The following ABCC9 variants were observed in gnomAD, a reference collection of about 807,000 sequenced individuals.
The protein encoded by ABCC9 is ATP binding cassette subfamily C member 9, also known as ATP-binding cassette sub-family C member 9.
A neutral mutation model predicts 188.3 loss-of-function variants in ABCC9; 95 were observed. That is an observed-to-expected ratio of 0.50 (90% CI 0.43 to 0.60). ABCC9 has a LOEUF of 0.60. ABCC9 is among the 20% of genes least tolerant of loss of function. The probability of loss-of-function intolerance (pLI) is 0.00; values close to 1 mark genes in which losing one functional copy is unlikely to be tolerated. For synonymous variants in ABCC9, 659 were observed against 652.7 expected (o/e 1.01, Z -0.15); for missense variants, 1,102 against 1,876.3 (o/e 0.59, Z 7.62).
Position 21,886,043 on chromosome 12 carries a change from G to A in ABCC9, c.1911+1783C>T, listed in dbSNP as rs546144727. Reference sequence around the variant, plus strand: ...CTAACATTAACTTATGACTCACGGTGGAATAATGCTTTTCTACTTTGTGAA... The same window carrying A: ...CTAACATTAACTTATGACTCACGGTAGAATAATGCTTTTCTACTTTGTGAA... On this transcript the variant is annotated intron_variant, in intron 15 of 39. Transcript: ENST00000261200. 3.9e-5 allele frequency among the ~76,000 whole-genome samples: 6 copies of A among 151,946 alleles called. No homozygotes were observed. The South Asian group carries it at 1.3e-3, about 32-fold the overall frequency.
At chr12:21,843,792 C>G (rs927123444) in intron 28 of ABCC9, among the ~76,000 whole-genome samples, 1 of 152,128 alleles carries the variant, frequency 6.6e-6, no homozygotes, top group African/African-American at 2.4e-5. Flanking sequence ...ATCAAAACTT[C>G]TCATCATACT....
chr12:21,862,756 C>T (rs192728743), intron 20 of ABCC9, among the ~76,000 whole-genome samples, 197 bp downstream of exon 20: 1 of 152,148 alleles, frequency 6.6e-6, no homozygotes, highest in Non-Finnish European at 1.5e-5. Flanking sequence ...CAATAAGGGT[C>T]CAAGATGGGC....
chr12:21,860,183 A>G (rs1290733498), intron 21 of ABCC9, among the ~76,000 whole-genome samples: 1 of 152,194 alleles, frequency 6.6e-6, no homozygotes, highest in Non-Finnish European at 1.5e-5. Flanking sequence ...TCTTCATAGC[A>G]ATTCCAAGAT....
At chr12:21,826,573 C>G (rs73070690) in intron 31 of ABCC9, among the ~76,000 whole-genome samples, 2,939 of 152,266 alleles carry the variant, frequency 0.019, 55 homozygotes, top group Non-Finnish European at 0.025. Context: ...TTTAAATACA[C>G]CTGGTTCCAA....
intron 24 of ABCC9, among the ~76,000 whole-genome samples, chr12:21,850,153 C>G (rs893072753): frequency 1.3e-5 from 2 of 150,866 alleles, no homozygotes; most frequent in Non-Finnish European, 1.5e-5. Context: ...GTTGAGCACA[C>G]TAGATGCTAA....
intron 25 of ABCC9, among the ~76,000 whole-genome samples, chr12:21,847,202 T>C (rs566213118): frequency 1.3e-5 from 2 of 152,210 alleles, no homozygotes; most frequent in South Asian, 4.2e-4. Context: ...ACAGTCAGCA[T>C]CCCCACTGAA....
intron 4 of ABCC9, 118 bp downstream of exon 4, chr12:21,933,664 A>T (rs1346177238): frequency 1.7e-5 from 20 of 1,189,744 alleles, no homozygotes; most frequent in Non-Finnish European, 2.5e-5. Context: ...AGCTACATGG[A>T]TCAGAGAGCA....
intron 4 of ABCC9, among the ~76,000 whole-genome samples, chr12:21,932,383 A>T (rs2138050545): frequency 6.6e-6 from 1 of 152,262 alleles, no homozygotes; most frequent in Non-Finnish European, 1.5e-5. Context: ...CAAAGATGCC[A>T]AAAACAATTG....
At position 21,941,045 on chromosome 12, in the gene ABCC9, CT is replaced by C. The variant is rs1453887063; in HGVS notation, c.-137+154del. ...TCGAGCCGGGCCTCGTCCCTTAATT[CT>C]AGAAATAGCGATCGCGAAAGCTAAG... On this transcript the variant is annotated intron_variant, in intron 1 of 39. Transcript: ENST00000261200. This position sits in a 1 kb window ranked among gnomAD's most constrained non-coding sequence, Gnocchi z 5.4. Among the ~76,000 whole-genome samples, 2 of 152,182 alleles carry C rather than the reference CT, an allele frequency of 1.3e-5. No individual in the cohort carries two copies. Among genetic ancestry groups the C allele is most frequent in the African/African-American group, 2.4e-5 (1 of 41,434 alleles).
intron 36 of ABCC9, among the ~76,000 whole-genome samples, chr12:21,810,837 C>A (rs1312972161): frequency 6.6e-6 from 1 of 152,092 alleles, no homozygotes; most frequent in Non-Finnish European, 1.5e-5. Context: ...AGTAGTTTTA[C>A]AACTAAATAC....
chr12:21,918,000 A>G (rs2137937053), intron 5 of ABCC9, among the ~76,000 whole-genome samples: 1 of 147,964 alleles, frequency 6.8e-6, no homozygotes, highest in South Asian at 2.2e-4. Flanking sequence ...ATCTTGTTTT[A>G]GCTTAAATGT....
Position 21,807,360 on chromosome 12 carries a change from T to C in ABCC9, c.4435A>G (p.Ile1479Val). The C allele has an allele frequency of 1.2e-6, 2 of 1,613,936 alleles. No homozygotes were observed. The highest frequency in any genetic ancestry group is 1.7e-6 in the Non-Finnish European group (2 of 1,179,814). ...AATGCACTCACTGTGGCCATGTCAA[T>C]GGAAGCTGTTGCCTCATCCATAATA... ...ILIMDEATAS[I>V]DMATENILQK... The change falls in exon 38 of 40, where the codon ATT becomes GTT. Residue 1479 changes from isoleucine to valine, a missense_variant. Physicochemically the swap from Ile to Val is conservative, Grantham distance 29. Transcript: ENST00000261200.
intron 31 of ABCC9, among the ~76,000 whole-genome samples, chr12:21,819,695 T>G (rs1310751612): frequency 2.6e-5 from 4 of 152,242 alleles, no homozygotes; most frequent in African/African-American, 9.6e-5. Flanking sequence ...TGTCTTTTTT[T>G]TTCCCTTTGG....
intron 16 of ABCC9, among the ~76,000 whole-genome samples, chr12:21,879,238 G>A (rs781247315): frequency 5.3e-5 from 8 of 152,188 alleles, no homozygotes; most frequent in Admixed American, 1.3e-4. Flanking sequence ...AAGCACATTA[G>A]AGCTGGTTCT....
chr12:21,824,517 G>T (rs1943249492), intron 31 of ABCC9, among the ~76,000 whole-genome samples: 2 of 152,152 alleles, frequency 1.3e-5, no homozygotes. Flanking sequence ...AAATGAGTTA[G>T]GGAGGAGTCC....
intron 18 of ABCC9, among the ~76,000 whole-genome samples, chr12:21,865,927 G>T (rs1208421667): frequency 6.6e-6 from 1 of 150,470 alleles, no homozygotes; most frequent in Non-Finnish European, 1.5e-5. Flanking sequence ...GTAAAAGATG[G>T]TAGTAGGGCA....
intron 2 of ABCC9, among the ~76,000 whole-genome samples, chr12:21,939,308 C>T (rs917087336): frequency 6.6e-6 from 1 of 152,150 alleles, no homozygotes; most frequent in Non-Finnish European, 1.5e-5. Flanking sequence ...CCCGTAGTCT[C>T]CTTATCCAAC....
chr12:21,857,565 A>G (rs1945288913), intron 22 of ABCC9, among the ~76,000 whole-genome samples: 1 of 152,118 alleles, frequency 6.6e-6, no homozygotes, highest in Non-Finnish European at 1.5e-5. Context: ...GATTTTGCAG[A>G]TGTAATTAAG....
intron 22 of ABCC9, among the ~76,000 whole-genome samples, chr12:21,855,415 T>G (rs1945172194): frequency 6.6e-6 from 1 of 152,146 alleles, no homozygotes; most frequent in East Asian, 1.9e-4. Flanking sequence ...AGAGATGGGG[T>G]TTCACCATGT....
Sources: allele counts gnomAD v4.1 joint callset (sites outside exome capture counted in the v4.1 genomes callset), GRCh38; gene constraint gnomAD v4.1.1; non-coding constraint Gnocchi (gnomAD v3.1); transcripts MANE v1.5; gene names NCBI Gene and HGNC (gene_info 2026-07-23, HGNC 2026-07-21).